The following UNC13C variants were observed in gnomAD, a reference collection of about 807,000 sequenced individuals.
UNC13C encodes protein unc-13 homolog C.
Under a neutral mutation model 245.4 loss-of-function variants are expected in UNC13C, and 174 were observed. The observed-to-expected ratio is 0.71, with a 90% confidence interval of 0.63 to 0.80. The LOEUF (loss-of-function observed/expected upper bound fraction) is 0.80, where lower values mean the gene tolerates loss of function less well. UNC13C is among the 30% of genes least tolerant of loss of function. The pLI is 0.00. For synonymous variants in UNC13C, 992 were observed against 895.1 expected, an observed-to-expected ratio of 1.11 and a Z score of -1.93; for missense variants, 2,829 against 2,602.9, an observed-to-expected ratio of 1.09 and a Z score of -1.89.
At chr15:54,432,305 T>C (rs1272908197) in intron 19 of UNC13C, among the ~76,000 whole-genome samples, 2 of 151,556 alleles carry the variant, frequency 1.3e-5, no homozygotes, top group African/African-American at 4.8e-5. Flanking sequence ...AGAAAAATAA[T>C]TGAGAGGGGC....
intron 19 of UNC13C, among the ~76,000 whole-genome samples, chr15:54,460,701 G>T (rs988343005): frequency 1.5e-4 from 23 of 152,218 alleles, no homozygotes; most frequent in Admixed American, 7.9e-4. Context: ...TGCAGCATTT[G>T]CAGTAGCAAG....
intron 30 of UNC13C, among the ~76,000 whole-genome samples, chr15:54,602,151 A>G (rs2141273793): frequency 6.6e-6 from 1 of 152,342 alleles, no homozygotes; most frequent in South Asian, 2.1e-4. Flanking sequence ...CTGAGGACCA[A>G]GAAAGCATCC....
At chr15:54,615,122 A>G (rs1325304997) in intron 30 of UNC13C, among the ~76,000 whole-genome samples, 2 of 151,934 alleles carry the variant, frequency 1.3e-5, no homozygotes, top group African/African-American at 4.8e-5. Flanking sequence ...TGGGTACATG[A>G]GATGTTTTGA....
At chr15:54,628,697 A>G (rs1445454481), downstream of UNC13C, 4 of 152,328 alleles carry the variant, frequency 2.6e-5, no homozygotes, top group Non-Finnish European at 2.9e-5. Context: ...ACCATATGTA[A>G]TAGTCTTCAT....
At chr15:54,067,567 C>G (rs941176047) in intron 2 of UNC13C, among the ~76,000 whole-genome samples, 3 of 152,118 alleles carry the variant, frequency 2.0e-5, no homozygotes, top group African/African-American at 7.2e-5. Flanking sequence ...AAATGTTGCA[C>G]TGTATGGACA....
At chr15:54,462,683 C>A (rs553664961) in intron 19 of UNC13C, among the ~76,000 whole-genome samples, 1 of 152,252 alleles carries the variant, frequency 6.6e-6, no homozygotes, top group African/African-American at 2.4e-5. Flanking sequence ...GCCTCAGCCA[C>A]CTCCCCAGGG....
At chr15:54,620,623 T>A (rs971828416) in intron 30 of UNC13C, among the ~76,000 whole-genome samples, 9 of 151,922 alleles carry the variant, frequency 5.9e-5, no homozygotes, top group African/African-American at 2.2e-4. Context: ...CACCCATAAT[T>A]CCAGCACTTT....
intron 1 of UNC13C, among the ~76,000 whole-genome samples, chr15:54,008,609 A>T (rs1895246213): frequency 6.6e-6 from 1 of 152,180 alleles, no homozygotes; most frequent in African/African-American, 2.4e-5. Flanking sequence ...TTTGGAATTC[A>T]AGTAGTTGAG....
At chr15:54,258,644 C>T (rs1296354571) in intron 8 of UNC13C, among the ~76,000 whole-genome samples, 1 of 152,136 alleles carries the variant, frequency 6.6e-6, no homozygotes, top group African/African-American at 2.4e-5. Flanking sequence ...GCTGGGATTA[C>T]AGATGTGAGC....
intron 30 of UNC13C, among the ~76,000 whole-genome samples, chr15:54,599,788 A>C (rs1470553741): frequency 2.0e-5 from 3 of 152,230 alleles, no homozygotes; most frequent in Admixed American, 1.3e-4. Context: ...TCTGTCTTCT[A>C]TGGAAATGAA....
Position 53,978,456 on chromosome 15 carries a change from G to A in UNC13C, c.-728G>A, listed in dbSNP as rs1035295117. Among the ~76,000 whole-genome samples the A allele has an allele frequency of 7.9e-5, 12 of 152,270 alleles. No homozygotes were observed. The highest frequency in any genetic ancestry group is 2.9e-4 in the African/African-American group (12 of 41,562). ...TGCTGCATTCAGAAAAGACTCAGCC[G>A]CAGCCGGCGATGTGTGAAGTTCCCA... On this transcript the variant is annotated 5_prime_UTR_variant, in exon 1 of 33. Transcript: ENST00000260323.
chr15:53,890,220 C>A, the UNC13C span, among the ~76,000 whole-genome samples: 4 of 151,430 alleles, frequency 2.6e-5, no homozygotes, highest in African/African-American at 9.7e-5. Flanking sequence ...TGGCTCACTG[C>A]AAGCTCCGCC....
chr15:54,178,669 C>T (rs1482942598), intron 4 of UNC13C, among the ~76,000 whole-genome samples: 3 of 152,066 alleles, frequency 2.0e-5, no homozygotes, highest in Non-Finnish European at 4.4e-5. Flanking sequence ...AGGCTTTGCT[C>T]ACACAAAGGA....
rs985609292 is a variant in UNC13C, at chr15:54,393,383, C to A, written c.4847+202C>A. Reference sequence around the variant, plus strand: ...AGTTTGAGCTCCATGGAGTATGATTCTTTGGATATGGAGAAAAATATTTTC... The same window carrying A: ...AGTTTGAGCTCCATGGAGTATGATTATTTGGATATGGAGAAAAATATTTTC... On this transcript the variant is annotated intron_variant, in intron 18 of 32. Coordinates refer to ENST00000260323, the MANE Select transcript of UNC13C (RefSeq NM_001080534.3). Among the ~76,000 whole-genome samples the A allele has an allele frequency of 4.6e-5, 7 of 151,834 alleles. No homozygotes were observed. In the East Asian group the frequency reaches 1.4e-3, roughly 29 times the overall value.
rs975309067 is a variant in UNC13C at position 54,393,183 on chromosome 15, T to C, written c.4847+2T>C. 4.5e-6 allele frequency: 7 copies of C among 1,570,350 alleles called. No homozygotes were observed. Among genetic ancestry groups the C allele is most frequent in the Non-Finnish European group, 6.0e-6 (7 of 1,163,598 alleles). ...TGCCTACACACCTGTCCTGAATCAG[T>C]AAGTACAATGTTTTGGAAATGAATG... is the stretch of plus-strand genomic sequence containing the variant. On this transcript the variant is annotated splice_donor_variant, in intron 18 of 32. Transcript: ENST00000260323. LOFTEE classifies it high-confidence loss of function.
At chr15:54,182,912 A>G (rs540626802) in intron 4 of UNC13C, among the ~76,000 whole-genome samples, 2 of 152,170 alleles carry the variant, frequency 1.3e-5, no homozygotes, top group South Asian at 4.1e-4. Flanking sequence ...ATAAATGAAA[A>G]CAGTAATGGC....
intron 13 of UNC13C, among the ~76,000 whole-genome samples, chr15:54,311,061 C>A (rs1179346778): frequency 1.3e-5 from 2 of 151,656 alleles, no homozygotes; most frequent in Non-Finnish European, 3.0e-5. Flanking sequence ...CTTAATTTAG[C>A]ATGCTTTTAA....
At chr15:54,209,973 C>T (rs1437344319) in intron 4 of UNC13C, among the ~76,000 whole-genome samples, 1 of 151,912 alleles carries the variant, frequency 6.6e-6, no homozygotes, top group African/African-American at 2.4e-5. Flanking sequence ...TTCATAACTA[C>T]TGAATATTTT....
Position 54,076,118 on chromosome 15 carries a change from T to TTA in UNC13C, c.2983+60233_2983+60234insAT, listed in dbSNP as rs1390442337. 6.6e-4 allele frequency among the ~76,000 whole-genome samples: 94 copies of TTA among 143,124 alleles called. 1 individual carries two copies. The highest frequency in any genetic ancestry group is 1.4e-3 in the East Asian group (7 of 4,934). 93.9% of individuals were successfully genotyped at this position (143,124 alleles called of 152,430 possible). A position where few individuals can be genotyped will look rare whatever the true frequency, so the allele number is the denominator to read the frequency against. On this transcript the variant is annotated intron_variant, in intron 2 of 32. Coordinates refer to ENST00000260323, the MANE Select transcript of UNC13C (RefSeq NM_001080534.3). ...GTATTCATATATATATATATTTTTT[T>TTA]TTATTATACTTTAAGTTTTAGGGTA... is the stretch of plus-strand genomic sequence containing the variant.
Sources: allele counts gnomAD v4.1 joint callset (sites outside exome capture counted in the v4.1 genomes callset), GRCh38; gene constraint gnomAD v4.1.1; transcripts MANE v1.5; gene names NCBI Gene and HGNC (gene_info 2026-07-23, HGNC 2026-07-21).